The following ETV6 variants were observed in gnomAD, a reference collection of about 807,000 sequenced individuals.
ETV6 encodes transcription factor ETV6.
In ETV6, 16 loss-of-function variants were observed where a neutral mutation model predicts 51.1. That is an observed-to-expected ratio of 0.31 (90% confidence interval 0.21 to 0.48). ETV6 has a LOEUF of 0.48. ETV6 is among the 20% of genes least tolerant of loss of function. The pLI, the probability that ETV6 is intolerant of heterozygous loss-of-function variation, is 0.99. For synonymous variants in ETV6, 240 were observed against 224.1 expected, an observed-to-expected ratio of 1.07 and a Z score of -0.64; for missense variants, 458 against 594.8, an observed-to-expected ratio of 0.77 and a Z score of 2.39.
intron 1 of ETV6, among the ~76,000 whole-genome samples, chr12:11,703,048 A>T (rs1258130115): frequency 1.3e-5 from 2 of 152,328 alleles, no homozygotes; most frequent in East Asian, 3.9e-4. Context: ...TTGAGGCTGC[A>T]GTGAGTCAAG....
At chr12:11,738,911 T>C (rs1037625397) in intron 1 of ETV6, among the ~76,000 whole-genome samples, 1 of 152,070 alleles carries the variant, frequency 6.6e-6, no homozygotes, top group African/African-American at 2.4e-5. Flanking sequence ...TTTTTAGGTG[T>C]CTCCGAAGTG....
At chr12:11,729,780 TA>T (rs1361956425) in intron 1 of ETV6, among the ~76,000 whole-genome samples, 1 of 152,230 alleles carries the variant, frequency 6.6e-6, no homozygotes, top group African/African-American at 2.4e-5. Context: ...ACCGTATCTT[TA>T]AAAAATTTTT....
At chr12:11,671,968 T>C (rs1236784727) in intron 1 of ETV6, among the ~76,000 whole-genome samples, 1 of 151,600 alleles carries the variant, frequency 6.6e-6, no homozygotes, top group African/African-American at 2.4e-5. Context: ...CAGAAGGTCC[T>C]TTGTGCTTCA....
chr12:11,781,196 T>A (rs1374014845), intron 2 of ETV6, among the ~76,000 whole-genome samples: 1 of 152,230 alleles, frequency 6.6e-6, no homozygotes, highest in Non-Finnish European at 1.5e-5. Flanking sequence ...TCGATGAGTC[T>A]AAGAATTGTG....
At chr12:11,773,651 G>C (rs1945275044) in intron 2 of ETV6, among the ~76,000 whole-genome samples, 1 of 152,232 alleles carries the variant, frequency 6.6e-6, no homozygotes, top group African/African-American at 2.4e-5. Flanking sequence ...CTCATGGCCT[G>C]GCTGGAAAGA....
At chr12:11,746,617 G>A (rs531224748) in intron 1 of ETV6, among the ~76,000 whole-genome samples, 42 of 152,034 alleles carry the variant, frequency 2.8e-4, no homozygotes, top group Non-Finnish European at 5.1e-4. Flanking sequence ...AGACCATCCT[G>A]GAAATTCTAG....
intron 1 of ETV6, among the ~76,000 whole-genome samples, chr12:11,738,283 C>G (rs963669076): frequency 7.0e-6 from 1 of 142,480 alleles, no homozygotes; most frequent in African/African-American, 2.6e-5. Context: ...CTTTCTCTCT[C>G]TCTCTGTTTT....
chr12:11,858,074 C>T (rs147269419), intron 4 of ETV6, among the ~76,000 whole-genome samples: 118 of 152,304 alleles, frequency 7.7e-4, no homozygotes, highest in African/African-American at 2.7e-3. Context: ...AATGTTGCCC[C>T]TCTGAGAGTG....
rs780633980 is a variant in ETV6, at chr12:11,893,709, C to T, written c.*2663C>T. The T allele has an allele frequency of 9.3e-6, 2 of 215,942 alleles. No individual in the cohort carries two copies. The highest frequency in any genetic ancestry group is 4.6e-5 in the African/African-American group (2 of 43,830). The allele number at this position is 215,942 out of a possible 1,614,324, so 13.4% of individuals were successfully genotyped here. ...AATGATTTCAAATATCATAAAATTA[C>T]CTTCAGGCTATGTGTATAAAGTATA... On this transcript the variant is annotated 3_prime_UTR_variant, in exon 8 of 8. Coordinates refer to ENST00000396373, the MANE Select transcript of ETV6 (RefSeq NM_001987.5).
intron 1 of ETV6, among the ~76,000 whole-genome samples, chr12:11,672,152 A>G (rs1234088450): frequency 6.6e-6 from 1 of 152,008 alleles, no homozygotes; most frequent in Non-Finnish European, 1.5e-5. Flanking sequence ...ACCCTTGACT[A>G]CCCTGTTCCT....
chr12:11,753,213 C>A (rs1866072614), intron 2 of ETV6, among the ~76,000 whole-genome samples: 1 of 152,124 alleles, frequency 6.6e-6, no homozygotes, highest in Non-Finnish European at 1.5e-5. Flanking sequence ...TCATCTCTAC[C>A]CCTTGGCCTA....
intron 1 of ETV6, among the ~76,000 whole-genome samples, chr12:11,652,056 A>T (rs961846978): frequency 2.0e-5 from 3 of 152,182 alleles, no homozygotes; most frequent in African/African-American, 7.2e-5. Flanking sequence ...GCAACATGAA[A>T]ATTGTCTGTA....
At chr12:11,796,796 T>G (rs1213298491) in intron 2 of ETV6, among the ~76,000 whole-genome samples, 1 of 151,832 alleles carries the variant, frequency 6.6e-6, no homozygotes, top group Non-Finnish European at 1.5e-5. Flanking sequence ...TGTGTGTGTT[T>G]TGATTTTTGA....
chr12:11,787,563 AAG>A (rs1491377428), intron 2 of ETV6, among the ~76,000 whole-genome samples: 1 of 152,160 alleles, frequency 6.6e-6, no homozygotes, highest in African/African-American at 2.4e-5. Context: ...GCTCTAGAGT[AAG>A]AGATTTCTGG....
intron 1 of ETV6, among the ~76,000 whole-genome samples, chr12:11,677,524 C>A (rs1864443998): frequency 6.6e-6 from 1 of 152,162 alleles, no homozygotes; most frequent in Non-Finnish European, 1.5e-5. Context: ...TTATATGAAT[C>A]TTTCATGATT....
At chr12:11,740,316 T>C (rs1231295953) in intron 1 of ETV6, among the ~76,000 whole-genome samples, 1 of 152,234 alleles carries the variant, frequency 6.6e-6, no homozygotes, top group African/African-American at 2.4e-5. Context: ...CTCCAAGTGA[T>C]TTTCAGAGTC....
intron 1 of ETV6, among the ~76,000 whole-genome samples, chr12:11,650,950 A>G (rs1347914365): frequency 6.6e-6 from 1 of 152,148 alleles, no homozygotes; most frequent in Admixed American, 6.5e-5. Context: ...AGGGCGGTAG[A>G]TGTTTGTAAA....
At chr12:11,780,051 AAAAC>A (rs1945390821) in intron 2 of ETV6, among the ~76,000 whole-genome samples, 1 of 152,234 alleles carries the variant, frequency 6.6e-6, no homozygotes, top group Admixed American at 6.5e-5. Context: ...CAGATGCTGA[AAAAC>A]AAAAGAGTTA....
intron 1 of ETV6, among the ~76,000 whole-genome samples, chr12:11,745,882 T>C (rs543693319): frequency 2.0e-5 from 3 of 152,336 alleles, no homozygotes; most frequent in African/African-American, 7.2e-5. Flanking sequence ...ATCATTTGCA[T>C]AAGCAACCTG....
Sources: allele counts gnomAD v4.1 joint callset (sites outside exome capture counted in the v4.1 genomes callset), GRCh38; gene constraint gnomAD v4.1.1; transcripts MANE v1.5; gene names NCBI Gene and HGNC (gene_info 2026-07-23, HGNC 2026-07-21).